Variants in CUL7 observed in about 807,000 individuals in gnomAD.
CUL7 encodes the protein cullin-7.
CUL7 carries 96 observed loss-of-function variants against 177.7 expected under a neutral mutation model. That is an observed-to-expected ratio of 0.54 (90% CI 0.46 to 0.64). The LOEUF (loss-of-function observed/expected upper bound fraction) is 0.64. Among genes scored for constraint, CUL7 ranks in the 30% least tolerant of loss-of-function variants. The pLI is 0.00. For synonymous variants in CUL7, 824 were observed against 890.2 expected, an observed-to-expected ratio of 0.93 and a Z score of 1.32; for missense variants, 1,893 against 2,187.9, an observed-to-expected ratio of 0.87 and a Z score of 2.69.
At chr6:43,046,212 A>G in intron 12 of CUL7, 24 bp downstream of exon 12, 1 of 1,614,212 alleles carries the variant, frequency 6.2e-7, no homozygotes, top group Non-Finnish European at 8.5e-7. Flanking sequence ...CGTGTGTGGC[A>G]AAGCACATGT....
At chr6:43,048,295 T>C (rs1199297520) in intron 8 of CUL7, 37 bp downstream of exon 8, 9 of 1,594,828 alleles carry the variant, frequency 5.6e-6, no homozygotes, top group African/African-American at 1.3e-5. Flanking sequence ...TGGACCCCCT[T>C]TGCCCTCAGA....
In CUL7 at chr6:43,053,430, G is replaced by A. The variant is rs1254790152; in HGVS notation, c.-9+192C>T. Among the ~76,000 whole-genome samples, 3 of 152,090 alleles carry A rather than the reference G, an allele frequency of 2.0e-5. No homozygotes were observed. In the East Asian group the frequency reaches 5.8e-4, roughly 29 times the overall value. ...CAGGGTGCACAGACCAGGTAGGCGA[G>A]GGGCTTGGGGACCGAGGTTGGAGAC... On this transcript the variant is annotated intron_variant, in intron 1 of 25. Transcript: ENST00000265348. The surrounding 1 kb of genome is among the most constrained non-coding windows in gnomAD (Gnocchi z 4.1).
intron 25 of CUL7, 99 bp downstream of exon 25, chr6:43,038,168 G>A: frequency 6.6e-7 from 1 of 1,506,342 alleles, no homozygotes; most frequent in Middle Eastern, 1.7e-4. Context: ...GCTACACAGT[G>A]AACCAGGTGC....
Position 43,050,951 on chromosome 6 carries a change from C to G in CUL7, c.1233+17G>C, listed in dbSNP as rs1554139463. The G allele has an allele frequency of 6.2e-7, 1 of 1,613,648 alleles. No individual in the cohort carries two copies. The highest frequency in any genetic ancestry group is 8.5e-7 in the Non-Finnish European group (1 of 1,179,960). The stretch of plus-strand genomic sequence containing the variant: ...AAATAGACCCCCAACAGTATCCCAC[C>G]ACCATGTGCCACTCACCTGCACAGG... On this transcript the variant is annotated intron_variant, in intron 4 of 25. Transcript: ENST00000265348. The surrounding 1 kb of genome is among the most constrained non-coding windows in gnomAD (Gnocchi z 4.1).
intron 19 of CUL7, 120 bp downstream of exon 19, chr6:43,042,682 G>T: frequency 1.4e-6 from 1 of 718,042 alleles, no homozygotes; most frequent in Non-Finnish European, 2.4e-6. Context: ...TTATAACATG[G>T]CTATATACTA....
At chr6:43,038,789 G>C in intron 23 of CUL7, 53 bp downstream of exon 23, 1 of 1,614,054 alleles carries the variant, frequency 6.2e-7, no homozygotes, top group Non-Finnish European at 8.5e-7. Context: ...TTTGGGAAGA[G>C]AGGCAAGGGA....
chr6:43,043,569 A>G lies in CUL7; in HGVS notation c.3234T>C (p.Ala1078=), dbSNP rs757049000. The G allele has an allele frequency of 6.2e-7, 1 of 1,613,788 alleles. No individual in the cohort carries two copies. ...GGCCGCGGCTCTGGGGGTTGAAGAC[A>G]GCTTCCTGACACTCCAGGTACTGGT... ...LLDQYLECQE[A]VFNPQSRGPA... The change falls in exon 17 of 26, where the codon GCT becomes GCC. Residue 1078 remains alanine, a synonymous_variant. Coordinates refer to ENST00000265348, the MANE Select transcript of CUL7 (RefSeq NM_014780.5). The surrounding 1 kb of genome is among the most constrained non-coding windows in gnomAD (Gnocchi z 4.2).
At chr6:43,046,114 A>G in intron 12 of CUL7, 23 bp from the exon 13 acceptor site, 1 of 1,613,280 alleles carries the variant, frequency 6.2e-7, no homozygotes, top group Non-Finnish European at 8.5e-7. Flanking sequence ...AGGAAAAACC[A>G]TTTGGAACTT....
At position 43,049,492 on chromosome 6, in the gene CUL7, T is replaced by C. The variant is rs1306179136; in HGVS notation, c.1740A>G (p.Pro580=). ...CATCTTCTTGGGCTTCTAGAAGGGA[T>C]GGGTAGGCTTGGTTCCCTGCTAGGG... ...PEALAGNQAY[P]SLLEAQEDVL... is the part of the protein sequence containing the mutation. Residue 580 remains proline, a synonymous_variant, in exon 7 of 26, where the codon CCA becomes CCG. Coordinates refer to ENST00000265348, the MANE Select transcript of CUL7 (RefSeq NM_014780.5). 6.2e-7 allele frequency: 1 copy of C among 1,614,196 alleles called. No homozygotes were observed. Among genetic ancestry groups the C allele is most frequent in the South Asian group, 1.1e-5 (1 of 91,090 alleles).
At chr6:43,049,819 C>T in intron 6 of CUL7, 144 bp downstream of exon 6, 1 of 1,344,024 alleles carries the variant, frequency 7.4e-7, no homozygotes, top group Non-Finnish European at 1.1e-6. Context: ...CACCCTCCCA[C>T]CTCTGAAAAT....
chr6:43,050,217 T>C lies in CUL7; in HGVS notation c.1372+43A>G. ...CACTAGCAACTCAGCAGGACCACCA[T>C]TCCTCTGCTCAGAGCTGACCCTTGC... On this transcript the variant is annotated intron_variant, in intron 5 of 25. Transcript: ENST00000265348. This position sits in a 1 kb window ranked among gnomAD's most constrained non-coding sequence, Gnocchi z 4.1. 4 of 1,614,090 alleles carry C rather than the reference T, an allele frequency of 2.5e-6. No individual in the cohort carries two copies. Among genetic ancestry groups the C allele is most frequent in the South Asian group, 1.1e-5 (1 of 91,088 alleles).
chr6:43,049,411 C>A lies in CUL7; in HGVS notation c.1821G>T (p.Val607=). 6.2e-7 allele frequency: 1 copy of A among 1,614,180 alleles called. No homozygotes were observed. Among genetic ancestry groups the A allele is most frequent in the East Asian group, 2.2e-5 (1 of 44,890 alleles). The change falls in exon 7 of 26, where the codon GTG becomes GTT. Residue 607 remains valine, a synonymous_variant. Transcript: ENST00000265348. ...GCTGCTGTGTCTGGCACCCACCTTCCACTTTGGCTGCATCTTCTGAGTCCT... is the reference window on the plus strand; with the variant it reads ...GCTGCTGTGTCTGGCACCCACCTTCAACTTTGGCTGCATCTTCTGAGTCCT... The part of the protein sequence containing the change: ...QAKDSEDAAK[V]EAKEPPSQSP...
In CUL7 at chr6:43,037,643, C is replaced by T. The variant is rs1209759101; in HGVS notation, c.*45G>A. 6.7e-7 allele frequency: 1 copy of T among 1,503,330 alleles called. No individual in the cohort carries two copies. The highest frequency in any genetic ancestry group is 9.1e-7 in the Non-Finnish European group (1 of 1,103,938). The allele number at this position is 1,503,330 out of a possible 1,614,324, so 93.1% of individuals were successfully genotyped here. On this transcript the variant is annotated 3_prime_UTR_variant, in exon 26 of 26. Transcript: ENST00000265348. ...ATAATCAAACTCTTGGGTTTTATTTCTGTAAAAGCTCCAGCTCTACCTTCC... is the reference window on the plus strand; with the variant it reads ...ATAATCAAACTCTTGGGTTTTATTTTTGTAAAAGCTCCAGCTCTACCTTCC...
At position 43,043,300 on chromosome 6, in the gene CUL7, T is replaced by A. The variant is rs1012393629; in HGVS notation, c.3356-120A>T. 8.5e-7 allele frequency: 1 copy of A among 1,172,644 alleles called. No homozygotes were observed. The highest frequency in any genetic ancestry group is 1.5e-5 in the African/African-American group (1 of 65,940). The allele number at this position is 1,172,644 out of a possible 1,614,324, so 72.6% of individuals were successfully genotyped here. On this transcript the variant is annotated intron_variant, in intron 17 of 25. Coordinates refer to ENST00000265348, the MANE Select transcript of CUL7 (RefSeq NM_014780.5). The surrounding 1 kb of genome is among the most constrained non-coding windows in gnomAD (Gnocchi z 4.2). ...ATGCTGCCACCCAAAATGATGTTCATGGATGGAGGTGACACAAACCTGGAA... is the reference window on the plus strand; with the variant it reads ...ATGCTGCCACCCAAAATGATGTTCAAGGATGGAGGTGACACAAACCTGGAA...
chr6:43,053,713 G>A lies in CUL7; in HGVS notation c.-100C>T. 1 of 1,441,782 alleles carries A rather than the reference G, an allele frequency of 6.9e-7. No individual in the cohort carries two copies. Among genetic ancestry groups the A allele is most frequent in the Non-Finnish European group, 9.1e-7 (1 of 1,101,288 alleles). The allele number at this position is 1,441,782 out of a possible 1,614,324, so 89.3% of individuals were successfully genotyped here. A position where few individuals can be genotyped will look rare whatever the true frequency, so the allele number is the denominator to read the frequency against. On this transcript the variant is annotated 5_prime_UTR_variant, in exon 1 of 26. Transcript: ENST00000265348. This position sits in a 1 kb window ranked among gnomAD's most constrained non-coding sequence, Gnocchi z 4.1. ...GCTGGCGGCGACTTGGGCCCCACCT[G>A]GGCCCCGCGAGGGGGTCGAGACGGA...
In CUL7 at chr6:43,044,892, G is replaced by T. The variant is rs1444574667; in HGVS notation, c.3039-7C>A. 6.2e-7 allele frequency: 1 copy of T among 1,612,454 alleles called. No homozygotes were observed. On this transcript the variant is annotated splice_polypyrimidine_tract_variant and splice_region_variant and intron_variant, in intron 15 of 25. Coordinates refer to ENST00000265348, the MANE Select transcript of CUL7 (RefSeq NM_014780.5). The stretch of plus-strand genomic sequence containing the variant: ...GCGCAGAGCACCGTTGAGTCTGGGG[G>T]TGAGAATGGAGGAGGAAGGTGTCAG...
rs148030851 is a variant in CUL7 at position 43,051,999 on chromosome 6, T to C, written c.580+210A>G. 8.2e-6 allele frequency: 8 copies of C among 971,896 alleles called. No individual in the cohort carries two copies. Among genetic ancestry groups the C allele is most frequent in the Non-Finnish European group, 1.2e-5 (8 of 662,418 alleles). The allele number at this position is 971,896 out of a possible 1,614,324, so 60.2% of individuals were successfully genotyped here. On this transcript the variant is annotated intron_variant, in intron 2 of 25. Coordinates refer to ENST00000265348, the MANE Select transcript of CUL7 (RefSeq NM_014780.5). This position sits in a 1 kb window ranked among gnomAD's most constrained non-coding sequence, Gnocchi z 5.0. ...TTGCATAAAAAGCAACTAATTAATA[T>C]GAGGTTCTTGAAGATAGTCTTTCCT...
chr6:43,049,051 C>T (rs567908088), intron 7 of CUL7, among the ~76,000 whole-genome samples: 22 of 152,168 alleles, frequency 1.4e-4, no homozygotes, highest in Admixed American at 9.2e-4. Flanking sequence ...GGATTACAGG[C>T]GTGAGCCACC....
At chr6:43,048,621 C>A in intron 7 of CUL7, 52 bp from the exon 8 acceptor site, 1 of 1,216,608 alleles carries the variant, frequency 8.2e-7, no homozygotes, top group Middle Eastern at 1.9e-4. Context: ...AATGTGAAGG[C>A]TCAGAAATAG....
Sources: allele counts gnomAD v4.1 joint callset (sites outside exome capture counted in the v4.1 genomes callset), GRCh38; gene constraint gnomAD v4.1.1; non-coding constraint Gnocchi (gnomAD v3.1); transcripts MANE v1.5; gene names NCBI Gene and HGNC (gene_info 2026-07-23, HGNC 2026-07-21).